CAND1: variants seen among roughly 807,000 people sequenced by gnomAD.
CAND1 encodes the protein cullin-associated NEDD8-dissociated protein 1.
In CAND1, 7 loss-of-function variants were observed where a neutral mutation model predicts 108.5. The ratio of observed to expected loss-of-function variants is 0.06; its 90% confidence interval spans 0.04 to 0.12. The LOEUF (loss-of-function observed/expected upper bound fraction) is 0.12, where lower values mean the gene tolerates loss of function less well. Ranked by LOEUF, CAND1 falls within the 10% of genes least tolerant of loss-of-function variation. The pLI is 1.00. For synonymous variants in CAND1, 534 were observed against 512.0 expected (o/e 1.04, Z -0.58); for missense variants, 941 against 1,448.7 (o/e 0.65, Z 5.69).
At position 67,309,971 on chromosome 12, in the gene CAND1, A is replaced by C. The variant is rs2044931509; in HGVS notation, c.3096A>C (p.Ser1032=). The change falls in exon 12 of 15, where the codon TCA becomes TCC. Residue 1032 remains serine, a synonymous_variant. Coordinates refer to ENST00000545606, the MANE Select transcript of CAND1 (RefSeq NM_018448.5). ...GAGTAGCCTTGGTCACATTTAATTC[A>C]GCAGCACATAACAAGCCATCATTAA... ...VRRVALVTFN[S]AAHNKPSLIR... is the part of the protein sequence containing the mutation. The C allele has an allele frequency of 3.1e-6, 5 of 1,612,742 alleles. No individual in the cohort carries two copies. Among genetic ancestry groups the C allele is most frequent in the Non-Finnish European group, 4.2e-6 (5 of 1,178,942 alleles).
rs2044880334 is a variant in CAND1 at position 67,306,063 on chromosome 12, A to G, written c.2395A>G (p.Ile799Val). Residue 799 changes from isoleucine to valine, a missense_variant, in exon 10 of 15, where the codon ATT becomes GTT. By Grantham distance (29) the Ile-to-Val change is conservative. Around this residue, in one of 9 missense-constraint regions of CAND1, gnomAD observed 697 missense variants for 942.0 expected, o/e 0.74. Transcript: ENST00000545606. ...TACTCATAAGCAGTCTTATTATTCC[A>G]TTGCCAAATGTGTAGCTGCCCTTAC... ...ALTHKQSYYS[I>V]AKCVAALTRA... 2 of 1,613,954 alleles carry G rather than the reference A, an allele frequency of 1.2e-6. No individual in the cohort carries two copies. Among genetic ancestry groups the G allele is most frequent in the African/African-American group, 1.3e-5 (1 of 74,900 alleles).
intron 4 of CAND1, among the ~76,000 whole-genome samples, chr12:67,295,617 G>C (rs578140441): frequency 6.6e-6 from 1 of 152,134 alleles, no homozygotes; most frequent in Admixed American, 6.5e-5. Context: ...TTGGAAGTCA[G>C]ATGTTAGAAC....
intron 1 of CAND1, chr12:67,270,048 ATCCTTCC>A: frequency 2.3e-6 from 1 of 433,208 alleles, no homozygotes; most frequent in Non-Finnish European, 4.1e-6. Flanking sequence ...GCGCCCCCAC[ATCCTTCC>A]CTGCCCCACC....
chr12:67,270,456 T>C lies in CAND1; in HGVS notation c.68+671T>C, dbSNP rs370974819. On this transcript the variant is annotated intron_variant, in intron 1 of 14. Coordinates refer to ENST00000545606, the MANE Select transcript of CAND1 (RefSeq NM_018448.5). The stretch of plus-strand genomic sequence containing the variant: ...TTCCTCTTGTCAGGTAAAACCAACT[T>C]AGGAACTCGGGGTTTCAGTCTCATG... 2.6e-4 allele frequency: 40 copies of C among 152,338 alleles called. 2 individuals are homozygous for C. Among genetic ancestry groups the C allele is most frequent in the African/African-American group, 9.1e-4 (38 of 41,576 alleles). The allele number at this position is 152,338 out of a possible 1,614,324, so 9.4% of individuals were successfully genotyped here. A position where few individuals can be genotyped will look rare whatever the true frequency, so the allele number is the denominator to read the frequency against.
At chr12:67,312,300 G>C (rs1284415002) in intron 14 of CAND1, among the ~76,000 whole-genome samples, 1 of 152,062 alleles carries the variant, frequency 6.6e-6, no homozygotes, top group Non-Finnish European at 1.5e-5. Flanking sequence ...GTACTTTCTT[G>C]ATGGGGGCTA....
At chr12:67,278,898 G>C (rs568045786) in intron 1 of CAND1, among the ~76,000 whole-genome samples, 1 of 152,056 alleles carries the variant, frequency 6.6e-6, no homozygotes, top group Non-Finnish European at 1.5e-5. Context: ...ACTCATACAT[G>C]CAATTTAAAA....
At chr12:67,303,992 CTT>C (rs397849975) in intron 8 of CAND1, among the ~76,000 whole-genome samples, 13 of 138,510 alleles carry the variant, frequency 9.4e-5, no homozygotes, top group African/African-American at 1.3e-4. Flanking sequence ...CTTTCTTTCT[CTT>C]TTTTTTTTTT....
intron 4 of CAND1, 141 bp downstream of exon 4, chr12:67,295,297 T>C: frequency 1.5e-6 from 1 of 665,104 alleles, no homozygotes; most frequent in Non-Finnish European, 2.4e-6. Context: ...ATTTGTGTGA[T>C]TGGGAGTGAG....
rs775322655 is a variant in CAND1 at position 67,314,420 on chromosome 12, T to C, written c.*1590T>C. 1 of 152,226 alleles carries C rather than the reference T, an allele frequency of 6.6e-6. No homozygotes were observed. Among genetic ancestry groups the C allele is most frequent in the African/African-American group, 2.4e-5 (1 of 41,460 alleles). The allele number at this position is 152,226 out of a possible 1,614,324, so 9.4% of individuals were successfully genotyped here. On this transcript the variant is annotated 3_prime_UTR_variant, in exon 15 of 15. Transcript: ENST00000545606. ...GTAAGGATTTTGACTAGTGCATTGA[T>C]GTTGAAGTTGGTGCCATTTCAAAAT...
intron 4 of CAND1, 38 bp downstream of exon 4, chr12:67,295,194 G>A: frequency 6.5e-7 from 1 of 1,545,496 alleles, no homozygotes; most frequent in Non-Finnish European, 8.8e-7. Context: ...TCGTAATACA[G>A]ATAACTACAT....
At position 67,309,908 on chromosome 12, in the gene CAND1, C is replaced by T; in HGVS notation, c.3033C>T (p.Phe1011=). Residue 1011 remains phenylalanine (F), a synonymous_variant, in exon 12 of 15, where the codon TTC becomes TTT. Coordinates refer to ENST00000545606, the MANE Select transcript of CAND1 (RefSeq NM_018448.5). The part of the protein sequence containing the change: ...DPLLKNCIGD[F]LKTLEDPDLN... ...TTTCTTGTAATATTTCAGGTGATTT[C>T]CTAAAAACTTTGGAAGACCCAGATT... 6.3e-7 allele frequency: 1 copy of T among 1,599,158 alleles called. No homozygotes were observed. Among genetic ancestry groups the T allele is most frequent in the Non-Finnish European group, 8.5e-7 (1 of 1,173,738 alleles).
intron 2 of CAND1, among the ~76,000 whole-genome samples, chr12:67,292,367 G>A (rs879280207): frequency 6.6e-6 from 1 of 152,138 alleles, no homozygotes; most frequent in Non-Finnish European, 1.5e-5. Context: ...GGGGTATGAC[G>A]TGGGGTATGA....
At chr12:67,278,949 G>T (rs2044595011) in intron 1 of CAND1, among the ~76,000 whole-genome samples, 1 of 152,134 alleles carries the variant, frequency 6.6e-6, no homozygotes. Context: ...TAAGCTCCAA[G>T]ACAGCAAGAA....
At chr12:67,290,261 A>G (rs2044710299) in intron 2 of CAND1, among the ~76,000 whole-genome samples, 1 of 152,246 alleles carries the variant, frequency 6.6e-6, no homozygotes, top group African/African-American at 2.4e-5. Flanking sequence ...CTGTAATCCC[A>G]GCACTTTGGA....
At chr12:67,270,602 AG>A (rs1311682786) in intron 1 of CAND1, 1 of 152,232 alleles carries the variant, frequency 6.6e-6, no homozygotes. Flanking sequence ...TTATTACAGC[AG>A]TTCTGTTCAG....
At chr12:67,284,278 T>TA (rs947202350) in intron 2 of CAND1, among the ~76,000 whole-genome samples, 39 of 147,816 alleles carry the variant, frequency 2.6e-4, no homozygotes, top group Admixed American at 4.7e-4. Context: ...TGATAATACT[T>TA]AAAAAAAAAA....
chr12:67,302,205 A>G (rs2044831625), intron 7 of CAND1, 118 bp from the exon 8 acceptor site: 1 of 823,360 alleles, frequency 1.2e-6, no homozygotes, highest in Non-Finnish European at 1.9e-6. Flanking sequence ...CTGTTGCTGT[A>G]TATGTTACCG....
chr12:67,277,622 G>C (rs1286577692), intron 1 of CAND1, among the ~76,000 whole-genome samples: 1 of 152,202 alleles, frequency 6.6e-6, no homozygotes, highest in Non-Finnish European at 1.5e-5. Flanking sequence ...CTAGAAGGCA[G>C]AGTGTTGCTT....
intron 4 of CAND1, 109 bp downstream of exon 4, chr12:67,295,265 T>G: frequency 1.0e-6 from 1 of 979,966 alleles, no homozygotes; most frequent in Non-Finnish European, 1.4e-6. Context: ...TTATTCATAT[T>G]TAAATGGTGG....
Sources: gnomAD v4.1 joint callset for allele counts (sites outside exome capture counted in the v4.1 genomes callset) on GRCh38, gnomAD v4.1.1 for gene constraint, gnomAD v4.1.1 regional missense constraint, MANE v1.5 for transcripts, NCBI Gene and HGNC (gene_info 2026-07-23, HGNC 2026-07-21) for gene names.